The following DRC9 variants were observed in gnomAD, a reference collection of about 807,000 sequenced individuals.
DRC9 encodes dynein regulatory complex protein 9.
At chr3:197,954,584 G>GC in the DRC9 span, 1 of 257,570 alleles carries the variant, frequency 3.9e-6, no homozygotes, top group African/African-American at 2.3e-5. Flanking sequence ...ATCTCAGCTT[G>GC]CTGCTACCTT....
chr3:197,919,879 C>T, the DRC9 span, among the ~76,000 whole-genome samples: 29 of 151,852 alleles, frequency 1.9e-4, no homozygotes, highest in African/African-American at 6.0e-4. Flanking sequence ...AGACAAAAGC[C>T]ACAGGAAAAA....
At chr3:197,936,858 A>G in the DRC9 span, among the ~76,000 whole-genome samples, 2 of 152,132 alleles carry the variant, frequency 1.3e-5, no homozygotes, top group African/African-American at 4.8e-5. Flanking sequence ...TGAAAAGGAC[A>G]TGAAGCGGGC....
At chr3:197,905,785 C>A in the DRC9 span, among the ~76,000 whole-genome samples, 1 of 151,874 alleles carries the variant, frequency 6.6e-6, no homozygotes, top group Non-Finnish European at 1.5e-5. Context: ...TAAGGTTTAT[C>A]CCAAGAATTT....
the DRC9 span, among the ~76,000 whole-genome samples, chr3:197,927,549 T>C: frequency 6.6e-6 from 1 of 152,172 alleles, no homozygotes; most frequent in Non-Finnish European, 1.5e-5. Context: ...AAGCACATAG[T>C]TAATTAACTA....
chr3:197,958,388 G>A, the DRC9 span: 2 of 152,194 alleles, frequency 1.3e-5, no homozygotes, highest in Non-Finnish European at 2.9e-5. Flanking sequence ...AAATTAGGTG[G>A]GCTTTTCAGT....
the DRC9 span, among the ~76,000 whole-genome samples, chr3:197,915,550 A>AC: frequency 6.6e-6 from 1 of 152,234 alleles, no homozygotes; most frequent in Non-Finnish European, 1.5e-5. Flanking sequence ...ACCTGACGGC[A>AC]CAGCAAACAA....
chr3:197,953,766 T>G, the DRC9 span: 1 of 588,862 alleles, frequency 1.7e-6, no homozygotes, highest in Non-Finnish European at 3.0e-6. Flanking sequence ...TTCCTTAAAC[T>G]TACTTGGTTA....
the DRC9 span, among the ~76,000 whole-genome samples, chr3:197,905,868 A>G: frequency 6.6e-6 from 1 of 152,194 alleles, no homozygotes; most frequent in African/African-American, 2.4e-5. Context: ...AGAAAACAAT[A>G]TCATCTCAAT....
At chr3:197,917,480 G>A in the DRC9 span, among the ~76,000 whole-genome samples, 4 of 152,148 alleles carry the variant, frequency 2.6e-5, no homozygotes, top group Non-Finnish European at 5.9e-5. Context: ...ATATGCTATA[G>A]GCCCTTTGAA....
At chr3:197,952,162 G>GTTTGTTT in the DRC9 span, among the ~76,000 whole-genome samples, 1 of 83,860 alleles carries the variant, frequency 1.2e-5, no homozygotes, top group South Asian at 4.7e-4. Context: ...AAAATTATGG[G>GTTTGTTT]TTTTTTTTTT....
At chr3:197,943,423 T>G in the DRC9 span, among the ~76,000 whole-genome samples, 3 of 152,064 alleles carry the variant, frequency 2.0e-5, no homozygotes, top group African/African-American at 7.2e-5. Flanking sequence ...ATTTCCCACG[T>G]GATATTTAAT....
chr3:197,890,248 A>G, the DRC9 span, among the ~76,000 whole-genome samples: 1 of 151,962 alleles, frequency 6.6e-6, no homozygotes, highest in Admixed American at 6.6e-5. Context: ...TACAAAAAAG[A>G]AAAAAAATTA....
At chr3:197,953,349 C>G in the DRC9 span, 2 of 436,700 alleles carry the variant, frequency 4.6e-6, no homozygotes, top group South Asian at 3.3e-5. Flanking sequence ...GTACTGCAGC[C>G]TGGGTGACAA....
the DRC9 span, among the ~76,000 whole-genome samples, chr3:197,939,441 C>T: frequency 1.3e-5 from 2 of 152,272 alleles, no homozygotes; most frequent in Admixed American, 1.3e-4. Flanking sequence ...GCAGGAACGG[C>T]GTATGCCTTT....
chr3:197,929,464 C>T, the DRC9 span, among the ~76,000 whole-genome samples: 1 of 152,098 alleles, frequency 6.6e-6, no homozygotes, highest in Non-Finnish European at 1.5e-5. This position sits in a 1 kb window ranked among gnomAD's most constrained non-coding sequence, Gnocchi z 4.6. Context: ...AAACACAATT[C>T]CCCTAACATT....
At chr3:197,951,231 T>C in the DRC9 span, 1 of 1,614,208 alleles carries the variant, frequency 6.2e-7, no homozygotes, top group South Asian at 1.1e-5. Flanking sequence ...CAGCTCTTCT[T>C]AAAATTGAAG....
At chr3:197,931,797 T>C in the DRC9 span, among the ~76,000 whole-genome samples, 1 of 151,768 alleles carries the variant, frequency 6.6e-6, no homozygotes, top group Admixed American at 6.6e-5. Flanking sequence ...GCTAATTTTT[T>C]GTATTTTTTA....
chr3:197,893,838 ACTC>A, the DRC9 span, among the ~76,000 whole-genome samples: 503 of 152,092 alleles, frequency 3.3e-3, 3 homozygotes, highest in African/African-American at 0.011. Flanking sequence ...ACAGAGTGAG[ACTC>A]CGTCTCAAAA....
the DRC9 span, among the ~76,000 whole-genome samples, chr3:197,896,318 G>T: frequency 6.6e-6 from 1 of 151,814 alleles, no homozygotes; most frequent in African/African-American, 2.4e-5. Flanking sequence ...ACTCCAGCCT[G>T]GGCAACAAGA....
Sources: gnomAD v4.1 joint callset for allele counts (sites outside exome capture counted in the v4.1 genomes callset) on GRCh38, gnomAD v4.1.1 for gene constraint, Gnocchi (gnomAD v3.1) non-coding constraint, MANE v1.5 for transcripts, NCBI Gene and HGNC (gene_info 2026-07-23, HGNC 2026-07-21) for gene names.